Variants in AFG1L observed in about 807,000 individuals in gnomAD.
The protein encoded by AFG1L is AFG1-like ATPase.
In AFG1L, 53 loss-of-function variants were observed where a neutral mutation model predicts 62.2. The observed-to-expected ratio is 0.85, with a 90% CI of 0.68 to 1.07. The LOEUF is 1.07. AFG1L is among the 50% of genes least tolerant of loss of function. The pLI is 0.00. For synonymous variants in AFG1L, 228 were observed against 210.3 expected, an observed-to-expected ratio of 1.08 and a Z score of -0.73; for missense variants, 555 against 590.5, an observed-to-expected ratio of 0.94 and a Z score of 0.62.
At chr6:108,327,268 A>C (rs946876388) in intron 2 of AFG1L, among the ~76,000 whole-genome samples, 3 of 152,236 alleles carry the variant, frequency 2.0e-5, no homozygotes, top group African/African-American at 7.2e-5. Flanking sequence ...ATTTAGAATA[A>C]GATTATATAA....
At chr6:108,520,720 T>A (rs1287175940) in intron 12 of AFG1L, 1 of 152,228 alleles carries the variant, frequency 6.6e-6, no homozygotes, top group Non-Finnish European at 1.5e-5. Context: ...TATGTGTATG[T>A]CTTAGTCTGC....
chr6:108,474,640 G>A (rs1177781384), intron 8 of AFG1L, among the ~76,000 whole-genome samples: 2 of 152,196 alleles, frequency 1.3e-5, no homozygotes, highest in Non-Finnish European at 2.9e-5. Context: ...GACCAGTGGT[G>A]TTGAGCCTTC....
At chr6:108,501,624 T>G (rs1045606201) in intron 10 of AFG1L, among the ~76,000 whole-genome samples, 1 of 152,316 alleles carries the variant, frequency 6.6e-6, no homozygotes, top group East Asian at 1.9e-4. Flanking sequence ...GTCCTCTCTA[T>G]TCACCTGCAG....
At chr6:108,478,007 G>A (rs1229060828) in intron 10 of AFG1L, among the ~76,000 whole-genome samples, 3 of 152,040 alleles carry the variant, frequency 2.0e-5, no homozygotes, top group Non-Finnish European at 2.9e-5. Flanking sequence ...ATAATTTTTC[G>A]ATTGACATGC....
intron 2 of AFG1L, among the ~76,000 whole-genome samples, chr6:108,324,493 TTGTA>T (rs1744396382): frequency 6.6e-6 from 1 of 152,102 alleles, no homozygotes; most frequent in South Asian, 2.1e-4. Context: ...ACTGGGGCCT[TTGTA>T]TGGTAGATGC....
intron 5 of AFG1L, among the ~76,000 whole-genome samples, chr6:108,364,239 G>C (rs1219814044): frequency 6.6e-6 from 1 of 152,144 alleles, no homozygotes; most frequent in Non-Finnish European, 1.5e-5. Flanking sequence ...GAACAAGTGC[G>C]GGGACAAGAT....
At chr6:108,349,385 A>G (rs895406998) in intron 3 of AFG1L, among the ~76,000 whole-genome samples, 11 of 152,236 alleles carry the variant, frequency 7.2e-5, no homozygotes, top group Non-Finnish European at 1.2e-4. Flanking sequence ...TCGAGAGGCT[A>G]AGGTGGGAGG....
intron 10 of AFG1L, among the ~76,000 whole-genome samples, chr6:108,478,253 C>G (rs1450965255): frequency 6.6e-6 from 1 of 152,118 alleles, no homozygotes; most frequent in Admixed American, 6.5e-5. Context: ...CTAGCTAACA[C>G]GGTGAAACCT....
intron 6 of AFG1L, among the ~76,000 whole-genome samples, chr6:108,396,661 T>A (rs536421564): frequency 1.3e-5 from 2 of 152,176 alleles, no homozygotes; most frequent in African/African-American, 4.8e-5. Flanking sequence ...CAGCTAATTT[T>A]TGTATTTTTA....
chr6:108,387,341 G>A (rs941197750), intron 6 of AFG1L, among the ~76,000 whole-genome samples: 9 of 152,228 alleles, frequency 5.9e-5, no homozygotes, highest in Admixed American at 5.9e-4. Flanking sequence ...AGGCCTATGT[G>A]ACTGCCAGTG....
chr6:108,394,002 CTTCT>C (rs1354390040), intron 6 of AFG1L, among the ~76,000 whole-genome samples: 3 of 151,832 alleles, frequency 2.0e-5, no homozygotes, highest in South Asian at 2.1e-4. Flanking sequence ...TCTTTTTCTT[CTTCT>C]TTCTTTCTCT....
rs555912685 is a variant in AFG1L at position 108,484,425 on chromosome 6, C to G, written c.1062+7133C>G. On this transcript the variant is annotated intron_variant, in intron 10 of 12. Transcript: ENST00000368977. The stretch of plus-strand genomic sequence containing the variant: ...CCATTGTCACAAATGAGCCATAAGT[C>G]TTTTGTCTACCTTTCCCCATCCACA... Among the ~76,000 whole-genome samples the G allele has an allele frequency of 2.0e-5, 3 of 152,236 alleles. No homozygotes were observed. In the East Asian group the frequency reaches 5.8e-4, roughly 29 times the overall value.
rs557491782 is a variant in AFG1L at position 108,497,655 on chromosome 6, C to T, written c.1063-12557C>T. On this transcript the variant is annotated intron_variant, in intron 10 of 12. Transcript: ENST00000368977. ...ATTTCTGGAAATAAGTTTTATATTACACCATAAAAATTCCAAAATTGATTA... is the reference window on the plus strand; with the variant it reads ...ATTTCTGGAAATAAGTTTTATATTATACCATAAAAATTCCAAAATTGATTA... Among the ~76,000 whole-genome samples the T allele has an allele frequency of 5.9e-5, 9 of 152,012 alleles. No homozygotes were observed. In the South Asian group the frequency reaches 1.9e-3, roughly 32 times the overall value.
At position 108,509,911 on chromosome 6, in the gene AFG1L, C is replaced by T. The variant is rs1030732558; in HGVS notation, c.1063-301C>T. 2.0e-5 allele frequency among the ~76,000 whole-genome samples: 3 copies of T among 152,178 alleles called. No individual in the cohort carries two copies. In the South Asian group the frequency reaches 6.2e-4, roughly 32 times the overall value. ...GATTTAGTGTCTCATCTTTTGTAAA[C>T]CGGAAAGTATATGTAAAAAAATGTA... On this transcript the variant is annotated intron_variant, in intron 10 of 12. Transcript: ENST00000368977.
chr6:108,379,525 A>G (rs1780406110), intron 6 of AFG1L, among the ~76,000 whole-genome samples: 1 of 152,144 alleles, frequency 6.6e-6, no homozygotes, highest in South Asian at 2.1e-4. Context: ...TCTGGTGGTG[A>G]CAGGGGTTGG....
intron 7 of AFG1L, among the ~76,000 whole-genome samples, chr6:108,439,623 G>T (rs1771455192): frequency 6.6e-6 from 1 of 152,084 alleles, no homozygotes; most frequent in Non-Finnish European, 1.5e-5. Flanking sequence ...GATATTAGGG[G>T]GGCTTCAGAG....
chr6:108,316,294 T>G (rs1412795453), intron 1 of AFG1L, among the ~76,000 whole-genome samples: 3 of 123,574 alleles, frequency 2.4e-5, no homozygotes, highest in Admixed American at 1.0e-4. Flanking sequence ...GGCAGGAGAA[T>G]GGCGTGAACC....
At chr6:108,385,249 A>C (rs1229636503) in intron 6 of AFG1L, among the ~76,000 whole-genome samples, 3 of 152,266 alleles carry the variant, frequency 2.0e-5, no homozygotes, top group African/African-American at 7.2e-5. Context: ...GGCCATAAAC[A>C]AAATCTCTGC....
chr6:108,359,137 T>C (rs1179423682), intron 5 of AFG1L: 1 of 152,232 alleles, frequency 6.6e-6, no homozygotes, highest in East Asian at 1.9e-4. Flanking sequence ...GTAATGTTTT[T>C]TTAATTGAGG....
Sources: gnomAD v4.1 joint callset for allele counts (sites outside exome capture counted in the v4.1 genomes callset) on GRCh38, gnomAD v4.1.1 for gene constraint, MANE v1.5 for transcripts, NCBI Gene and HGNC (gene_info 2026-07-23, HGNC 2026-07-21) for gene names.